The following SH3GLB1 variants were observed in gnomAD, a reference collection of about 807,000 sequenced individuals.
The protein encoded by SH3GLB1 is endophilin-B1.
In SH3GLB1, 17 loss-of-function variants were observed where a neutral mutation model predicts 42.0. The observed-to-expected ratio is 0.40, with a 90% CI of 0.28 to 0.61. The LOEUF is 0.61. SH3GLB1 is among the 20% of genes least tolerant of loss of function. The probability of loss-of-function intolerance (pLI) is 0.36; values close to 1 mark genes in which losing one functional copy is unlikely to be tolerated. For missense variants in SH3GLB1, 355 were observed against 426.3 expected (o/e 0.83, Z 1.47); for synonymous variants, 132 against 146.6 (o/e 0.90, Z 0.72).
rs890482416 is a variant in SH3GLB1, at chr1:86,743,252, A to C, written c.*17A>C. Reference sequence around the variant, plus strand: ...CTCAATTAAGTAGGTGGACTATGGAAAGGTTGCCCATCATGACTTTGTATT... The same window carrying C: ...CTCAATTAAGTAGGTGGACTATGGACAGGTTGCCCATCATGACTTTGTATT... On this transcript the variant is annotated 3_prime_UTR_variant, in exon 9 of 9. Transcript: ENST00000370558. The C allele has an allele frequency of 1.2e-5, 19 of 1,552,022 alleles. No homozygotes were observed. Among genetic ancestry groups the C allele is most frequent in the Admixed American group, 2.0e-5 (1 of 50,188 alleles).
intron 5 of SH3GLB1, among the ~76,000 whole-genome samples, chr1:86,724,927 A>G (rs996875003): frequency 2.1e-5 from 3 of 141,536 alleles, no homozygotes; most frequent in South Asian, 4.3e-4. Flanking sequence ...TATATAATAT[A>G]TATGTGTGTG....
At chr1:86,715,111 CTATT>C (rs201964351) in intron 1 of SH3GLB1, among the ~76,000 whole-genome samples, 2,791 of 152,198 alleles carry the variant, frequency 0.018, 40 homozygotes, top group African/African-American at 0.029. Flanking sequence ...TTCTGGGAAA[CTATT>C]TATCTAACTA....
At chr1:86,715,080 A>G (rs559379859) in intron 1 of SH3GLB1, among the ~76,000 whole-genome samples, 2 of 152,338 alleles carry the variant, frequency 1.3e-5, no homozygotes, top group African/African-American at 4.8e-5. Context: ...CAGCAGCTTA[A>G]ATGACAGGTT....
intron 1 of SH3GLB1, among the ~76,000 whole-genome samples, chr1:86,713,953 T>C (rs902831924): frequency 6.6e-6 from 1 of 152,220 alleles, no homozygotes; most frequent in Non-Finnish European, 1.5e-5. Context: ...CCCATGTGTT[T>C]AGAAGAGTGC....
At chr1:86,738,327 G>C (rs773620426) in intron 7 of SH3GLB1, among the ~76,000 whole-genome samples, 2 of 151,898 alleles carry the variant, frequency 1.3e-5, no homozygotes, top group East Asian at 3.9e-4. Context: ...GTGCAGTGGC[G>C]CAATCTCGGC....
At chr1:86,733,150 GT>G (rs1655598768) in intron 5 of SH3GLB1, among the ~76,000 whole-genome samples, 1 of 151,960 alleles carries the variant, frequency 6.6e-6, no homozygotes, top group African/African-American at 2.4e-5. Flanking sequence ...AGCTTACTTT[GT>G]CCCTGCTATC....
intron 2 of SH3GLB1, 44 bp downstream of exon 2, chr1:86,715,909 G>T: frequency 6.5e-7 from 1 of 1,547,874 alleles, no homozygotes; most frequent in South Asian, 1.2e-5. Context: ...CTATTAGTGG[G>T]TTTTTAAATG....
In SH3GLB1 at chr1:86,742,324, C is replaced by G; in HGVS notation, c.878C>G (p.Thr293Ser). 6.2e-7 allele frequency: 1 copy of G among 1,614,128 alleles called. No individual in the cohort carries two copies. Among genetic ancestry groups the G allele is most frequent in the Admixed American group, 1.7e-5 (1 of 60,008 alleles). The stretch of plus-strand genomic sequence containing the variant: ...GCTTCAACAAGTGGCCTAGTAATCA[C>G]CTCTCCTTCCAACCTCAGTGACCTT... ...AMASTSGLVI[T>S]SPSNLSDLKE... Residue 293 changes from threonine (T) to serine (S), a missense_variant, in exon 8 of 9, where the codon ACC (threonine) becomes AGC (serine). Coordinates refer to ENST00000370558, the MANE Select transcript of SH3GLB1 (RefSeq NM_016009.5).
Position 86,704,863 on chromosome 1 carries a change from C to T in SH3GLB1, c.-37C>T, listed in dbSNP as rs1310646440. ...GGCCGCGGCACCTCCGCCTCGCCGC[C>T]GCTAGGTCGGCCGGCTCCGCCCGGC... On this transcript the variant is annotated 5_prime_UTR_variant, in exon 1 of 9. Transcript: ENST00000370558. 2 of 1,478,724 alleles carry T rather than the reference C, an allele frequency of 1.4e-6. No individual in the cohort carries two copies. Among genetic ancestry groups the T allele is most frequent in the African/African-American group, 1.5e-5 (1 of 68,620 alleles). The allele number at this position is 1,478,724 out of a possible 1,614,324, so 91.6% of individuals were successfully genotyped here.
At position 86,704,885 on chromosome 1, in the gene SH3GLB1, C is replaced by T. The variant is rs757841403; in HGVS notation, c.-15C>T. The T allele has an allele frequency of 1.9e-6, 3 of 1,557,990 alleles. No individual in the cohort carries two copies. The highest frequency in any genetic ancestry group is 2.6e-5 in the East Asian group (1 of 39,064). On this transcript the variant is annotated 5_prime_UTR_variant, in exon 1 of 9. Transcript: ENST00000370558. ...CGCCGCTAGGTCGGCCGGCTCCGCC[C>T]GGCTGCCGCCTAGGATGAATATCAT... is the stretch of plus-strand genomic sequence containing the variant.
intron 7 of SH3GLB1, among the ~76,000 whole-genome samples, chr1:86,739,510 A>G (rs1655952801): frequency 6.6e-6 from 1 of 152,202 alleles, no homozygotes; most frequent in Non-Finnish European, 1.5e-5. Context: ...GTGAAACAGT[A>G]GGCGCAAAGT....
In SH3GLB1 at chr1:86,735,198, C is replaced by A. The variant is rs1331329538; in HGVS notation, c.761+19C>A. On this transcript the variant is annotated intron_variant, in intron 7 of 8. Transcript: ENST00000370558. Reference sequence around the variant, plus strand: ...TGGGAAGGTGATAATTTACTTTTCACATGTAAAGAGGAGAAATTCAGATTT... The same window carrying A: ...TGGGAAGGTGATAATTTACTTTTCAAATGTAAAGAGGAGAAATTCAGATTT... 2 of 1,535,978 alleles carry A rather than the reference C, an allele frequency of 1.3e-6. No homozygotes were observed. The highest frequency in any genetic ancestry group is 2.7e-5 in the African/African-American group (2 of 73,232).
intron 5 of SH3GLB1, among the ~76,000 whole-genome samples, chr1:86,732,690 C>G (rs1053429752): frequency 6.6e-6 from 1 of 152,084 alleles, no homozygotes; most frequent in East Asian, 1.9e-4. Flanking sequence ...TTTACTCAAA[C>G]CTAGAAGCCT....
Position 86,705,575 on chromosome 1 carries a change from T to G in SH3GLB1, c.72+604T>G, listed in dbSNP as rs1018965374. On this transcript the variant is annotated intron_variant, in intron 1 of 8. Coordinates refer to ENST00000370558, the MANE Select transcript of SH3GLB1 (RefSeq NM_016009.5). The stretch of plus-strand genomic sequence containing the variant: ...CCACAAGAAACCTAGGGTTGGGGGG[T>G]TTTCACTCTTTTTCAAAATGGGAAG... Among the ~76,000 whole-genome samples the G allele has an allele frequency of 5.3e-5, 8 of 151,516 alleles. No homozygotes were observed. In the East Asian group the frequency reaches 1.4e-3, roughly 26 times the overall value.
chr1:86,735,228 T>C (rs1025752025), intron 7 of SH3GLB1, 49 bp downstream of exon 7: 33 of 1,239,912 alleles, frequency 2.7e-5, no homozygotes, highest in Non-Finnish European at 3.9e-5. Context: ...AGATTTTTGC[T>C]TATGAACTAA....
At chr1:86,714,016 GAACA>G (rs1447330580) in intron 1 of SH3GLB1, among the ~76,000 whole-genome samples, 2 of 152,178 alleles carry the variant, frequency 1.3e-5, no homozygotes, top group African/African-American at 4.8e-5. Flanking sequence ...TAAACAAAAT[GAACA>G]AACAAATGGA....
chr1:86,716,024 T>TA (rs1654506374), intron 2 of SH3GLB1, among the ~76,000 whole-genome samples, 159 bp downstream of exon 2: 2 of 152,168 alleles, frequency 1.3e-5, no homozygotes, highest in Admixed American at 6.5e-5. Context: ...GAGGAAGTGA[T>TA]AAACAGCTAT....
At chr1:86,724,610 T>C (rs2101950405) in intron 5 of SH3GLB1, among the ~76,000 whole-genome samples, 1 of 152,172 alleles carries the variant, frequency 6.6e-6, no homozygotes. Context: ...CAGTGGCGCA[T>C]GCCTGCTATC....
chr1:86,715,053 T>C (rs757947425), intron 1 of SH3GLB1, among the ~76,000 whole-genome samples: 2 of 152,224 alleles, frequency 1.3e-5, no homozygotes, highest in Non-Finnish European at 2.9e-5. Flanking sequence ...TATAAATAAA[T>C]TGCTGGAACA....
Sources: allele counts gnomAD v4.1 joint callset (sites outside exome capture counted in the v4.1 genomes callset), GRCh38; gene constraint gnomAD v4.1.1; transcripts MANE v1.5; gene names NCBI Gene and HGNC (gene_info 2026-07-23, HGNC 2026-07-21).